ATXN2: variants seen among roughly 807,000 people sequenced by gnomAD.
The protein encoded by ATXN2 is ataxin-2.
Under a neutral mutation model 138.6 loss-of-function variants are expected in ATXN2, and 37 were observed. That is an observed-to-expected ratio of 0.27 (90% CI 0.21 to 0.35). ATXN2 has a LOEUF of 0.35. Ranked by LOEUF, ATXN2 falls within the 10% of genes least tolerant of loss-of-function variation. The pLI, the probability that ATXN2 is intolerant of heterozygous loss-of-function variation, is 1.00. For missense variants in ATXN2, 1,216 were observed against 1,480.3 expected (o/e 0.82, Z 2.93); for synonymous variants, 549 against 543.7 (o/e 1.01, Z -0.13).
intron 1 of ATXN2, among the ~76,000 whole-genome samples, chr12:111,567,938 G>A (rs560816930): frequency 1.3e-5 from 2 of 152,130 alleles, no homozygotes; most frequent in East Asian, 3.9e-4. Context: ...AATAATCTAA[G>A]AATAAAATTA....
chr12:111,462,219 C>T (rs1593097357), intron 21 of ATXN2, among the ~76,000 whole-genome samples: 1 of 151,868 alleles, frequency 6.6e-6, no homozygotes, highest in East Asian at 1.9e-4. Flanking sequence ...TTGGTCCAGA[C>T]CTAGTCCAGA....
rs978088573 is a variant in ATXN2, at chr12:111,598,169, G to A, written c.251+615C>T. On this transcript the variant is annotated intron_variant, in intron 1 of 24. Transcript: ENST00000673436. The surrounding 1 kb of genome is among the most constrained non-coding windows in gnomAD (Gnocchi z 4.5). The stretch of plus-strand genomic sequence containing the variant: ...GAACGCAGAGGGGTGCGGGGGCCAA[G>A]GCCCACTTGTCTCCACCCCGTCCTC... 21 of 1,082,656 alleles carry A rather than the reference G, an allele frequency of 1.9e-5. No homozygotes were observed. Among genetic ancestry groups the A allele is most frequent in the Non-Finnish European group, 1.9e-5 (17 of 884,616 alleles). 67.1% of individuals were successfully genotyped at this position (1,082,656 alleles called of 1,614,324 possible).
At chr12:111,479,424 A>G (rs1592812634) in intron 18 of ATXN2, among the ~76,000 whole-genome samples, 1 of 145,654 alleles carries the variant, frequency 6.9e-6, no homozygotes, top group African/African-American at 2.5e-5. Flanking sequence ...AAAGAGAGAG[A>G]GACAAAAATT....
At chr12:111,584,600 G>A (rs769361405) in intron 1 of ATXN2, among the ~76,000 whole-genome samples, 1 of 151,738 alleles carries the variant, frequency 6.6e-6, no homozygotes, top group Non-Finnish European at 1.5e-5. Flanking sequence ...TGGGAGTCGA[G>A]GTGGGCAGAT....
At chr12:111,496,617 A>T (rs1476734120) in intron 14 of ATXN2, among the ~76,000 whole-genome samples, 1 of 152,154 alleles carries the variant, frequency 6.6e-6, no homozygotes, top group Non-Finnish European at 1.5e-5. Flanking sequence ...CATGAAAATT[A>T]AGCAATATGC....
At chr12:111,464,247 G>GGTGT (rs57717176) in intron 21 of ATXN2, among the ~76,000 whole-genome samples, 8,779 of 134,470 alleles carry the variant, frequency 0.065, 376 homozygotes, top group East Asian at 0.14. Flanking sequence ...TGTGGCTTGG[G>GGTGT]GTGTGTGTGT....
At chr12:111,497,885 G>A (rs1039911311) in intron 14 of ATXN2, among the ~76,000 whole-genome samples, 14 of 152,060 alleles carry the variant, frequency 9.2e-5, no homozygotes, top group Non-Finnish European at 1.5e-4. Flanking sequence ...GCGTGTTAGC[G>A]GACACCTGTA....
intron 1 of ATXN2, among the ~76,000 whole-genome samples, chr12:111,570,013 T>C (rs964935183): frequency 6.6e-6 from 1 of 152,230 alleles, no homozygotes; most frequent in African/African-American, 2.4e-5. Context: ...ACGATTAGTA[T>C]GGCTGAGGAA....
At chr12:111,507,263 C>A (rs990885959) in intron 14 of ATXN2, among the ~76,000 whole-genome samples, 4 of 151,192 alleles carry the variant, frequency 2.6e-5, no homozygotes, top group Non-Finnish European at 2.9e-5. Flanking sequence ...GTGGGGAGCG[C>A]CTCTGCCCCG....
At chr12:111,581,687 A>G (rs1884014666) in intron 1 of ATXN2, 15 of 689,386 alleles carry the variant, frequency 2.2e-5, no homozygotes, top group Middle Eastern at 2.6e-4. Flanking sequence ...CTTTACCGCC[A>G]AGTGCCTGAA....
At chr12:111,555,942 T>A in intron 1 of ATXN2, 23 bp from the exon 2 acceptor site, 1 of 1,557,930 alleles carries the variant, frequency 6.4e-7, no homozygotes, top group Non-Finnish European at 8.7e-7. Flanking sequence ...AATATTATTT[T>A]TATTAAATTC....
Position 111,453,655 on chromosome 12 carries a change from C to A in ATXN2, c.3439+22G>T. 1 of 1,545,530 alleles carries A rather than the reference C, an allele frequency of 6.5e-7. No homozygotes were observed. The highest frequency in any genetic ancestry group is 1.2e-5 in the South Asian group (1 of 82,626). On this transcript the variant is annotated intron_variant, in intron 24 of 24. Transcript: ENST00000673436. This position sits in a 1 kb window ranked among gnomAD's most constrained non-coding sequence, Gnocchi z 5.4. Reference sequence around the variant, plus strand: ...AGAATGCTTTGGGGTGCCCCGGCGGCCCCTGCACACACACGCCTCACCTGA... The same window carrying A: ...AGAATGCTTTGGGGTGCCCCGGCGGACCCTGCACACACACGCCTCACCTGA...
intron 14 of ATXN2, among the ~76,000 whole-genome samples, chr12:111,496,305 G>T (rs1878418565): frequency 6.6e-6 from 1 of 152,134 alleles, no homozygotes; most frequent in African/African-American, 2.4e-5. Flanking sequence ...GCCAAGGTGG[G>T]TGGATCATCT....
At chr12:111,520,419 G>A (rs1033725021) in intron 7 of ATXN2, among the ~76,000 whole-genome samples, 2 of 152,128 alleles carry the variant, frequency 1.3e-5, no homozygotes, top group Non-Finnish European at 2.9e-5. Context: ...TTGGGAGGCC[G>A]AGGCAGGTGG....
chr12:111,454,944 A>G lies in ATXN2; in HGVS notation c.3270+1085T>C, dbSNP rs1593089534. 5 of 672,660 alleles carry G rather than the reference A, an allele frequency of 7.4e-6. No individual in the cohort carries two copies. In the East Asian group the frequency reaches 1.4e-4, roughly 19 times the overall value. The allele number at this position is 672,660 out of a possible 1,614,324, so 41.7% of individuals were successfully genotyped here. On this transcript the variant is annotated intron_variant, in intron 23 of 24. Coordinates refer to ENST00000673436, the MANE Select transcript of ATXN2 (RefSeq NM_001372574.1). Reference sequence around the variant, plus strand: ...ACGGACCAAACCGGCTTCCCTCCCCACTATCAAAAAGCAAATCAACTGCAG... The same window carrying G: ...ACGGACCAAACCGGCTTCCCTCCCCGCTATCAAAAAGCAAATCAACTGCAG...
At chr12:111,518,817 T>C (rs1879997906) in intron 8 of ATXN2, among the ~76,000 whole-genome samples, 1 of 152,142 alleles carries the variant, frequency 6.6e-6, no homozygotes, top group African/African-American at 2.4e-5. Context: ...ATATCGGCAA[T>C]GCTGATGAAA....
rs1055125689 is a variant in ATXN2 at position 111,598,329 on chromosome 12, C to T, written c.251+455G>A. ...AACTTCTCCCCTCCAGAGATGTCCC[C>T]CATGGAGGGGGACATGTTCCGGAAA... On this transcript the variant is annotated intron_variant, in intron 1 of 24. Coordinates refer to ENST00000673436, the MANE Select transcript of ATXN2 (RefSeq NM_001372574.1). This position sits in a 1 kb window ranked among gnomAD's most constrained non-coding sequence, Gnocchi z 4.5. The T allele has an allele frequency of 1.8e-5, 18 of 993,046 alleles. No individual in the cohort carries two copies. The highest frequency in any genetic ancestry group is 5.7e-5 in the Admixed American group (1 of 17,658). The allele number at this position is 993,046 out of a possible 1,614,324, so 61.5% of individuals were successfully genotyped here. A position where few individuals can be genotyped will look rare whatever the true frequency, so the allele number is the denominator to read the frequency against.
chr12:111,477,657 A>C (rs554241215), intron 18 of ATXN2, among the ~76,000 whole-genome samples: 1 of 152,354 alleles, frequency 6.6e-6, no homozygotes, highest in Non-Finnish European at 1.5e-5. Flanking sequence ...AAATATTCAC[A>C]ATATTCTGAG....
At chr12:111,555,775 T>C (rs984791179) in intron 2 of ATXN2, 108 bp downstream of exon 2, 6 of 921,920 alleles carry the variant, frequency 6.5e-6, no homozygotes, top group South Asian at 1.6e-5. Flanking sequence ...AAGTTATCTA[T>C]GACAAAATTC....
Sources: gnomAD v4.1 joint callset for allele counts (sites outside exome capture counted in the v4.1 genomes callset) on GRCh38, gnomAD v4.1.1 for gene constraint, Gnocchi (gnomAD v3.1) non-coding constraint, MANE v1.5 for transcripts, NCBI Gene and HGNC (gene_info 2026-07-23, HGNC 2026-07-21) for gene names.